MCF2L: variants seen among roughly 807,000 people sequenced by gnomAD.
MCF2L encodes the protein MCF.2 cell line derived transforming sequence like.
Under a neutral mutation model 153.4 loss-of-function variants are expected in MCF2L, and 97 were observed. The observed-to-expected ratio is 0.63, with a 90% CI of 0.54 to 0.75. MCF2L has a LOEUF of 0.75. Among genes scored for constraint, MCF2L ranks in the 30% least tolerant of loss-of-function variants. The pLI is 0.00. For missense variants in MCF2L, 1,347 were observed against 1,495.2 expected, an observed-to-expected ratio of 0.90 and a Z score of 1.64; for synonymous variants, 659 against 632.2, an observed-to-expected ratio of 1.04 and a Z score of -0.64.
At chr13:112,953,745 G>A (rs2081722844) in intron 2 of MCF2L, among the ~76,000 whole-genome samples, 2 of 152,210 alleles carry the variant, frequency 1.3e-5, no homozygotes, top group Admixed American at 1.3e-4. Flanking sequence ...AGCCCTCCCT[G>A]CCCAGGGGAA....
chr13:112,898,172 A>G (rs2081086038), intron 1 of MCF2L, among the ~76,000 whole-genome samples: 1 of 152,036 alleles, frequency 6.6e-6, no homozygotes, highest in Admixed American at 6.5e-5. Context: ...GGACCTTCCT[A>G]TCTTTAGTGC....
chr13:113,022,159 C>T (rs1355516780), intron 2 of MCF2L, among the ~76,000 whole-genome samples: 1 of 152,172 alleles, frequency 6.6e-6, no homozygotes, highest in East Asian at 1.9e-4. Context: ...GCCACCTCCA[C>T]ACTGTGGGTG....
intron 15 of MCF2L, among the ~76,000 whole-genome samples, chr13:113,080,230 C>T (rs565491677): frequency 6.8e-6 from 1 of 147,960 alleles, no homozygotes; most frequent in Non-Finnish European, 1.5e-5. Flanking sequence ...GGAGAGTGTT[C>T]GTATGGAGGA....
intron 1 of MCF2L, among the ~76,000 whole-genome samples, chr13:112,994,209 G>A (rs114270110): frequency 0.021 from 3,184 of 150,788 alleles, 130 homozygotes; most frequent in African/African-American, 0.075. Flanking sequence ...CTGCCAACGG[G>A]GCACGGTGCG....
At chr13:113,026,961 C>T (rs746365978) in intron 3 of MCF2L, 2 of 778,322 alleles carry the variant, frequency 2.6e-6, no homozygotes, top group South Asian at 2.7e-5. Context: ...CTCGTCCCAG[C>T]CTCCAGGAAG....
At chr13:113,071,164 G>A (rs1332871619) in intron 9 of MCF2L, among the ~76,000 whole-genome samples, 2 of 152,082 alleles carry the variant, frequency 1.3e-5, no homozygotes, top group East Asian at 1.9e-4. Context: ...ACCTTTCCAC[G>A]TGCTTATTTG....
At chr13:113,090,673 G>C (rs1301496992) in intron 26 of MCF2L, 2 of 985,508 alleles carry the variant, frequency 2.0e-6, no homozygotes. Context: ...AGGAGGCCCT[G>C]GAAGCCGGCC....
At chr13:113,066,423 G>A (rs957269192) in intron 8 of MCF2L, among the ~76,000 whole-genome samples, 5 of 152,180 alleles carry the variant, frequency 3.3e-5, no homozygotes, top group Admixed American at 6.5e-5. Flanking sequence ...TAGAGCAAAC[G>A]CCCTTTTGCC....
In MCF2L at chr13:113,074,876, G is replaced by A. The variant is rs574108690; in HGVS notation, c.1117-122G>A. 4.5e-3 allele frequency: 4,274 copies of A among 939,812 alleles called. 18 individuals carry two copies. The highest frequency in any genetic ancestry group is 6.1e-3 in the Non-Finnish European group (3,815 of 624,992). The allele number at this position is 939,812 out of a possible 1,614,324, so 58.2% of individuals were successfully genotyped here. ...GGATTAAGCAGCATCTCAGGCATCCGCAGCAGTAAACAAAGAAATCAAGAC... is the reference window on the plus strand; with the variant it reads ...GGATTAAGCAGCATCTCAGGCATCCACAGCAGTAAACAAAGAAATCAAGAC... On this transcript the variant is annotated intron_variant, in intron 10 of 29. Coordinates refer to ENST00000535094, the MANE Select transcript of MCF2L (RefSeq NM_001112732.3). The surrounding 1 kb of genome is among the most constrained non-coding windows in gnomAD (Gnocchi z 4.2).
chr13:112,953,937 G>T (rs959083045), intron 2 of MCF2L, among the ~76,000 whole-genome samples: 9 of 152,364 alleles, frequency 5.9e-5, no homozygotes, highest in Admixed American at 2.6e-4. Flanking sequence ...TCGCATATGA[G>T]TGTCTAGGTT....
chr13:113,070,094 T>A lies in MCF2L; in HGVS notation c.917T>A (p.Phe306Tyr). 6.2e-7 allele frequency: 1 copy of A among 1,610,128 alleles called. No homozygotes were observed. The highest frequency in any genetic ancestry group is 8.5e-7 in the Non-Finnish European group (1 of 1,178,700). Residue 306 changes from phenylalanine (F) to tyrosine (Y), a missense_variant, in exon 9 of 30, where the codon TTC becomes TAC. Phe to Tyr is a conservative substitution (Grantham distance 22, BLOSUM62 3). Transcript: ENST00000535094. This position sits in a 1 kb window ranked among gnomAD's most constrained non-coding sequence, Gnocchi z 5.6. Reference protein sequence around the residue: ...LAQLNETEAAFDEFWAKHQQK... With the variant: ...LAQLNETEAAYDEFWAKHQQK... Reference sequence around the variant, plus strand: ...CAGCTGAACGAAACCGAGGCTGCCTTCGATGAGTTCTGGGCAAAGCATCAG... The same window carrying A: ...CAGCTGAACGAAACCGAGGCTGCCTACGATGAGTTCTGGGCAAAGCATCAG...
chr13:112,950,885 A>T (rs898735471), intron 2 of MCF2L, among the ~76,000 whole-genome samples: 13 of 152,194 alleles, frequency 8.5e-5, no homozygotes, highest in Admixed American at 8.5e-4. Context: ...GATAGATTCG[A>T]CCTTACCAGC....
At chr13:113,020,502 T>C (rs1024479737) in intron 2 of MCF2L, among the ~76,000 whole-genome samples, 2 of 152,228 alleles carry the variant, frequency 1.3e-5, no homozygotes, top group African/African-American at 4.8e-5. Context: ...TTATTTCTCT[T>C]GGTTCTGGGG....
chr13:113,092,705 A>G (rs1436286097), intron 26 of MCF2L, among the ~76,000 whole-genome samples: 1 of 152,252 alleles, frequency 6.6e-6, no homozygotes. Flanking sequence ...CTGGTGCAGC[A>G]GTGCTGGCCT....
At chr13:112,956,961 T>C (rs1302545096) in intron 2 of MCF2L, 4 of 152,048 alleles carry the variant, frequency 2.6e-5, no homozygotes, top group African/African-American at 9.7e-5. Flanking sequence ...ATTCTGCCCA[T>C]TGGTGCATGT....
intron 2 of MCF2L, among the ~76,000 whole-genome samples, chr13:112,923,327 G>A (rs540281186): frequency 1.9e-4 from 25 of 132,192 alleles, no homozygotes; most frequent in African/African-American, 7.2e-4. Context: ...ACAGTGGCAA[G>A]ATCTCGGCTC....
At position 113,045,001 on chromosome 13, in the gene MCF2L, C is replaced by G. The variant is rs1296607984; in HGVS notation, c.279-270C>G. On this transcript the variant is annotated intron_variant, in intron 3 of 29. Coordinates refer to ENST00000535094, the MANE Select transcript of MCF2L (RefSeq NM_001112732.3). The surrounding 1 kb of genome is among the most constrained non-coding windows in gnomAD (Gnocchi z 4.2). ...ATGACTGAGCTCGGGAGAGATGGTT[C>G]TGCCTCAATCTGTGACTCGAGGTGG... The G allele has an allele frequency of 9.4e-6, 13 of 1,379,086 alleles. No homozygotes were observed. The highest frequency in any genetic ancestry group is 1.4e-5 in the African/African-American group (1 of 69,666). 85.4% of individuals were successfully genotyped at this position (1,379,086 alleles called of 1,614,324 possible).
intron 26 of MCF2L, chr13:113,090,611 G>C (rs1416501720): frequency 1.0e-6 from 1 of 985,338 alleles, no homozygotes; most frequent in Admixed American, 6.1e-5. Flanking sequence ...CTAATGCCCT[G>C]CTCACCTGCG....
intron 2 of MCF2L, among the ~76,000 whole-genome samples, chr13:112,963,026 G>T (rs1253077750): frequency 6.6e-6 from 1 of 152,158 alleles, no homozygotes; most frequent in Non-Finnish European, 1.5e-5. Context: ...GTGAGAACCT[G>T]TCTGGGCCTG....
Sources: allele counts gnomAD v4.1 joint callset (sites outside exome capture counted in the v4.1 genomes callset), GRCh38; gene constraint gnomAD v4.1.1; non-coding constraint Gnocchi (gnomAD v3.1); transcripts MANE v1.5; gene names NCBI Gene and HGNC (gene_info 2026-07-23, HGNC 2026-07-21).